Variants in RALGAPA1 observed in about 807,000 individuals in gnomAD.
The protein encoded by RALGAPA1 is Ral GTPase activating protein catalytic subunit alpha 1, also known as ral GTPase-activating protein subunit alpha-1.
RALGAPA1 carries 52 observed loss-of-function variants against 269.6 expected under a neutral mutation model. The ratio of observed to expected loss-of-function variants is 0.19; its 90% confidence interval spans 0.15 to 0.24. The LOEUF is 0.24. RALGAPA1 is among the 10% of genes least tolerant of loss of function. The pLI is 1.00. For missense variants in RALGAPA1, 1,917 were observed against 3,013.9 expected (o/e 0.64, Z 8.52); for synonymous variants, 817 against 1,008.3 (o/e 0.81, Z 3.60).
At chr14:35,674,434 G>T in intron 23 of RALGAPA1, 82 bp downstream of exon 23, 1 of 1,336,702 alleles carries the variant, frequency 7.5e-7, no homozygotes, top group African/African-American at 1.5e-5. Context: ...CAAAAAGGGT[G>T]TCACAAATGT....
At chr14:35,761,095 C>T in intron 5 of RALGAPA1, 89 bp from the exon 6 acceptor site, 1 of 919,850 alleles carries the variant, frequency 1.1e-6, no homozygotes, top group Non-Finnish European at 1.6e-6. Flanking sequence ...ATGATGACAA[C>T]AGAATGATAC....
chr14:35,794,162 T>G (rs1417887108), intron 1 of RALGAPA1, among the ~76,000 whole-genome samples: 2 of 152,226 alleles, frequency 1.3e-5, no homozygotes, highest in South Asian at 2.1e-4. Flanking sequence ...TTACTAACAC[T>G]GTATATCAAA....
At chr14:35,737,318 G>A (rs1226859944) in intron 12 of RALGAPA1, among the ~76,000 whole-genome samples, 1 of 152,072 alleles carries the variant, frequency 6.6e-6, no homozygotes, top group African/African-American at 2.4e-5. Context: ...CACTACTAGA[G>A]GGAATGTAAA....
At chr14:35,626,232 G>A (rs1030357430) in intron 34 of RALGAPA1, among the ~76,000 whole-genome samples, 2 of 152,062 alleles carry the variant, frequency 1.3e-5, no homozygotes, top group African/African-American at 2.4e-5. Context: ...TCTAATAAGC[G>A]GAAGAGTTTT....
chr14:35,586,215 A>G, intron 37 of RALGAPA1, among the ~76,000 whole-genome samples: 1 of 152,212 alleles, frequency 6.6e-6, no homozygotes, highest in East Asian at 1.9e-4. Flanking sequence ...CTTTGAAGCA[A>G]TAGTGAATGG....
chr14:35,769,035 A>AAAAAAAAAAAAAAAAAT (rs1567192786), intron 4 of RALGAPA1, among the ~76,000 whole-genome samples: 1 of 58,300 alleles, frequency 1.7e-5, no homozygotes, highest in African/African-American at 8.9e-5. Context: ...AAAAAAAAAA[A>AAAAAAAAAAAAAAAAAT]ATATATATAT....
chr14:35,734,996 T>G (rs1595366924), intron 12 of RALGAPA1, among the ~76,000 whole-genome samples: 1 of 148,974 alleles, frequency 6.7e-6, no homozygotes, highest in East Asian at 2.0e-4. Context: ...AAAACCACAA[T>G]GCGATACCAT....
At chr14:35,800,668 C>T (rs2076899662) in intron 1 of RALGAPA1, among the ~76,000 whole-genome samples, 1 of 152,044 alleles carries the variant, frequency 6.6e-6, no homozygotes. Flanking sequence ...CTTTATGAAA[C>T]AACAAAAAGA....
intron 31 of RALGAPA1, among the ~76,000 whole-genome samples, chr14:35,642,156 T>C (rs551799953): frequency 2.6e-5 from 4 of 152,218 alleles, no homozygotes; most frequent in East Asian, 3.9e-4. Flanking sequence ...CAAGAAAACA[T>C]TGAGGAAACT....
At chr14:35,656,705 C>T (rs2063197231) in intron 28 of RALGAPA1, among the ~76,000 whole-genome samples, 1 of 152,166 alleles carries the variant, frequency 6.6e-6, no homozygotes, top group Admixed American at 6.5e-5. Flanking sequence ...GCAGATTCTT[C>T]TTCCTTAACA....
At chr14:35,622,566 CATAAA>C (rs1426108633) in intron 35 of RALGAPA1, among the ~76,000 whole-genome samples, 3 of 152,018 alleles carry the variant, frequency 2.0e-5, no homozygotes, top group African/African-American at 7.2e-5. Flanking sequence ...AAAAATAAAA[CATAAA>C]ATAAAAATGA....
intron 12 of RALGAPA1, among the ~76,000 whole-genome samples, chr14:35,732,084 C>T (rs1402805815): frequency 6.6e-6 from 1 of 152,158 alleles, no homozygotes; most frequent in Non-Finnish European, 1.5e-5. Flanking sequence ...TTATCCTCAG[C>T]CTCCTCAAAC....
chr14:35,802,757 T>C (rs2141940775), intron 1 of RALGAPA1, among the ~76,000 whole-genome samples: 1 of 151,660 alleles, frequency 6.6e-6, no homozygotes, highest in East Asian at 1.9e-4. Flanking sequence ...TCATGGCTCA[T>C]TGCAACCTCG....
chr14:35,628,684 A>T (rs1412188599), intron 33 of RALGAPA1, among the ~76,000 whole-genome samples: 1 of 152,236 alleles, frequency 6.6e-6, no homozygotes, highest in East Asian at 1.9e-4. Flanking sequence ...TTAAACAGCA[A>T]GTCAGTATAG....
chr14:35,686,712 G>T (rs764481057), intron 18 of RALGAPA1, 46 bp from the exon 19 acceptor site: 28 of 1,156,560 alleles, frequency 2.4e-5, no homozygotes, highest in Non-Finnish European at 3.3e-5. Flanking sequence ...AAACTTAACT[G>T]CATTTTCTAA....
In RALGAPA1 at chr14:35,685,038, C is replaced by T; in HGVS notation, c.4185G>A (p.Val1395=). The T allele has an allele frequency of 6.2e-7, 1 of 1,609,802 alleles. No individual in the cohort carries two copies. Among genetic ancestry groups the T allele is most frequent in the Non-Finnish European group, 8.5e-7 (1 of 1,177,898 alleles). Residue 1395 remains valine (V), a synonymous_variant, in exon 20 of 42, where the codon GTG becomes GTA. Transcript: ENST00000680220. ...NQMRPIDDPG[V]PSEWTSPASA... ...TGGCAGGAGAAGTCCATTCTGAGGG[C>T]ACACCTGGGTCATCAATAGGGCGCA...
At chr14:35,779,192 T>C (rs1281671047) in intron 1 of RALGAPA1, among the ~76,000 whole-genome samples, 1 of 152,192 alleles carries the variant, frequency 6.6e-6, no homozygotes, top group Non-Finnish European at 1.5e-5. Context: ...GGTGTTCTAG[T>C]TTTCCCACAG....
At chr14:35,673,633 T>C (rs949133896) in intron 24 of RALGAPA1, among the ~76,000 whole-genome samples, 1 of 151,898 alleles carries the variant, frequency 6.6e-6, no homozygotes, top group Non-Finnish European at 1.5e-5. Context: ...CAGGCTGGAG[T>C]GCAATGGCGC....
In RALGAPA1 at chr14:35,700,121, A is replaced by C. The variant is rs571488641; in HGVS notation, c.2407+41T>G. ...AAAATTTGAAAGCAGAGGATTAAAA[A>C]GTGAAAAAGGTGGTGCAGAAATTAG... On this transcript the variant is annotated intron_variant, in intron 17 of 41. Coordinates refer to ENST00000680220, the MANE Select transcript of RALGAPA1 (RefSeq NM_001346249.2). 3.1e-5 allele frequency: 46 copies of C among 1,492,040 alleles called. No individual in the cohort carries two copies. The East Asian group carries it at 6.7e-4, about 22-fold the overall frequency. The allele number at this position is 1,492,040 out of a possible 1,614,324, so 92.4% of individuals were successfully genotyped here. A position where few individuals can be genotyped will look rare whatever the true frequency, so the allele number is the denominator to read the frequency against.
Sources: gnomAD v4.1 joint callset for allele counts (sites outside exome capture counted in the v4.1 genomes callset) on GRCh38, gnomAD v4.1.1 for gene constraint, MANE v1.5 for transcripts, NCBI Gene and HGNC (gene_info 2026-07-23, HGNC 2026-07-21) for gene names.